The following STARD13 variants were observed in gnomAD, a reference collection of about 807,000 sequenced individuals.
STARD13 encodes StAR related lipid transfer domain containing 13.
In STARD13, 62 loss-of-function variants were observed where a neutral mutation model predicts 106.4. The observed-to-expected ratio is 0.58, with a 90% CI of 0.48 to 0.72. The LOEUF (loss-of-function observed/expected upper bound fraction) is 0.72. STARD13 is among the 30% of genes least tolerant of loss of function. The pLI is 0.00. For synonymous variants in STARD13, 565 were observed against 553.0 expected (o/e 1.02, Z -0.31); for missense variants, 1,387 against 1,424.0 (o/e 0.97, Z 0.42).
At chr13:33,554,868 A>G in the STARD13 span, among the ~76,000 whole-genome samples, 1 of 152,134 alleles carries the variant, frequency 6.6e-6, no homozygotes, top group Non-Finnish European at 1.5e-5. Flanking sequence ...ATTATGTGTA[A>G]TTTATTTCAA....
At chr13:33,177,301 A>G (rs1645408521) in intron 1 of STARD13, among the ~76,000 whole-genome samples, 1 of 152,248 alleles carries the variant, frequency 6.6e-6, no homozygotes, top group Non-Finnish European at 1.5e-5. Context: ...TGATTGTAAG[A>G]GTAGCAAAAT....
At chr13:33,409,586 A>T in the STARD13 span, among the ~76,000 whole-genome samples, 1 of 152,268 alleles carries the variant, frequency 6.6e-6, no homozygotes, top group South Asian at 2.1e-4. Flanking sequence ...TCAACAGGGC[A>T]GAGAAATGTA....
rs550199849 is a variant in STARD13 at position 33,284,769 on chromosome 13, G to T, written c.169+701C>A. Among the ~76,000 whole-genome samples, 63 of 151,526 alleles carry T rather than the reference G, an allele frequency of 4.2e-4. 1 individual carries two copies. In the South Asian group the frequency reaches 4.2e-3, roughly 10 times the overall value. On this transcript the variant is annotated intron_variant, in intron 1 of 13. Transcript: ENST00000336934. The stretch of plus-strand genomic sequence containing the variant: ...GACTGGTAAATTTTAGTAATGTCCA[G>T]ACTTCCAGGCTGGTATTTTGAGGGG...
the STARD13 span, among the ~76,000 whole-genome samples, chr13:33,387,069 A>G: frequency 1.3e-5 from 2 of 152,158 alleles, no homozygotes; most frequent in Non-Finnish European, 2.9e-5. Flanking sequence ...GCAGTAGTGC[A>G]ACTATAGCTC....
intron 1 of STARD13, among the ~76,000 whole-genome samples, chr13:33,220,461 G>C (rs1888293772): frequency 6.6e-6 from 1 of 152,160 alleles, no homozygotes; most frequent in Non-Finnish European, 1.5e-5. Context: ...GGGAGGCTGA[G>C]GCAGGTGGAT....
At chr13:33,167,673 T>A (rs1883487861) in intron 1 of STARD13, 51 bp from the exon 2 acceptor site, 1 of 1,538,642 alleles carries the variant, frequency 6.5e-7, no homozygotes, top group Non-Finnish European at 9.0e-7. Flanking sequence ...CGCACCCTAG[T>A]ACTCTGCCTT....
intron 1 of STARD13, among the ~76,000 whole-genome samples, chr13:33,221,068 T>C (rs1459050531): frequency 6.6e-6 from 1 of 152,078 alleles, no homozygotes; most frequent in African/African-American, 2.4e-5. Context: ...ATGAAAACAC[T>C]CGTCATCAAC....
intron 1 of STARD13, among the ~76,000 whole-genome samples, chr13:33,225,004 G>A (rs1888548650): frequency 6.6e-6 from 1 of 152,030 alleles, no homozygotes; most frequent in African/African-American, 2.4e-5. Context: ...GTGTGTGTGT[G>A]TGTACCTAAA....
In STARD13 at chr13:33,130,035, C is replaced by T. The variant is rs769852291; in HGVS notation, c.642G>A (p.Gln214=). 1 of 1,613,524 alleles carries T rather than the reference C, an allele frequency of 6.2e-7. No homozygotes were observed. Among genetic ancestry groups the T allele is most frequent in the Non-Finnish European group, 8.5e-7 (1 of 1,179,890 alleles). ...GCATGACCGGGTTGTCTGTACAGCA[C>T]TGGCCCGGCTGGCTGCGACTGTCGC... ...GGSDSRSQPG[Q]CCTDNPVMLD... The change falls in exon 5 of 14, where the codon CAG becomes CAA. Residue 214 remains glutamine, a synonymous_variant. Transcript: ENST00000336934. The surrounding 1 kb of genome is among the most constrained non-coding windows in gnomAD (Gnocchi z 4.1).
At chr13:33,415,596 G>C in the STARD13 span, among the ~76,000 whole-genome samples, 1 of 152,140 alleles carries the variant, frequency 6.6e-6, no homozygotes, top group South Asian at 2.1e-4. Flanking sequence ...CTTTGAAAAA[G>C]TGTCTTCCTC....
chr13:33,639,110 T>C, the STARD13 span, among the ~76,000 whole-genome samples: 1 of 152,178 alleles, frequency 6.6e-6, no homozygotes, highest in East Asian at 1.9e-4. Flanking sequence ...AAGGAAGAAA[T>C]GAGAAACAAA....
intron 1 of STARD13, among the ~76,000 whole-genome samples, chr13:33,258,480 GAA>G (rs879711305): frequency 2.1e-5 from 3 of 140,314 alleles, no homozygotes; most frequent in African/African-American, 7.8e-5. Context: ...TAGGAAGAAA[GAA>G]AAAAAAAAAA....
chr13:33,449,362 C>G, the STARD13 span, among the ~76,000 whole-genome samples: 5 of 152,102 alleles, frequency 3.3e-5, no homozygotes, highest in African/African-American at 9.7e-5. Context: ...AAGAGACATT[C>G]CTTTCCCCAT....
chr13:33,346,744 C>T (rs1594290570), downstream of STARD13, among the ~76,000 whole-genome samples: 1 of 152,042 alleles, frequency 6.6e-6, no homozygotes, highest in African/African-American at 2.4e-5. Flanking sequence ...ATTCTCCTGC[C>T]TCAGCCTCCT....
At chr13:33,268,146 C>G (rs1427656672) in intron 1 of STARD13, among the ~76,000 whole-genome samples, 1 of 152,170 alleles carries the variant, frequency 6.6e-6, no homozygotes, top group Non-Finnish European at 1.5e-5. Context: ...TAGGACAAAA[C>G]ATATTATCTA....
intron 1 of STARD13, among the ~76,000 whole-genome samples, chr13:33,284,519 AACTG>A (rs1169069328): frequency 2.0e-5 from 3 of 152,156 alleles, no homozygotes; most frequent in Non-Finnish European, 4.4e-5. Flanking sequence ...GGTGATCATT[AACTG>A]ACTGTCAACG....
intron 1 of STARD13, among the ~76,000 whole-genome samples, chr13:33,228,237 C>G (rs1470687125): frequency 6.6e-6 from 1 of 152,078 alleles, no homozygotes; most frequent in African/African-American, 2.4e-5. Context: ...TGGATTGCAG[C>G]CTCTGGCGAA....
chr13:33,471,546 C>T, the STARD13 span, among the ~76,000 whole-genome samples: 5 of 151,918 alleles, frequency 3.3e-5, no homozygotes, highest in East Asian at 5.8e-4. Flanking sequence ...TATTTCCATT[C>T]TAAAATATAA....
chr13:33,240,664 C>A (rs1889430968), intron 1 of STARD13, among the ~76,000 whole-genome samples: 1 of 151,632 alleles, frequency 6.6e-6, no homozygotes, highest in South Asian at 2.1e-4. Flanking sequence ...AGTATTTTAT[C>A]CTTAAGTATC....
Sources: gnomAD v4.1 joint callset for allele counts (sites outside exome capture counted in the v4.1 genomes callset) on GRCh38, gnomAD v4.1.1 for gene constraint, Gnocchi (gnomAD v3.1) non-coding constraint, MANE v1.5 for transcripts, NCBI Gene and HGNC (gene_info 2026-07-23, HGNC 2026-07-21) for gene names.